GALNTL6: variants seen among roughly 807,000 people sequenced by gnomAD.
The protein encoded by GALNTL6 is polypeptide N-acetylgalactosaminyltransferase-like 6.
In GALNTL6, 46 loss-of-function variants were observed where a neutral mutation model predicts 73.7. The ratio of observed to expected loss-of-function variants is 0.62; its 90% CI spans 0.49 to 0.80. GALNTL6 has a LOEUF of 0.80. Among genes scored for constraint, GALNTL6 ranks in the 30% least tolerant of loss-of-function variants. GALNTL6 has a pLI of 0.00. For missense variants in GALNTL6, 604 were observed against 755.0 expected (o/e 0.80, Z 2.34); for synonymous variants, 259 against 263.7 (o/e 0.98, Z 0.17).
intron 2 of GALNTL6, among the ~76,000 whole-genome samples, chr4:172,190,413 C>G (rs539688505): frequency 6.6e-6 from 1 of 152,086 alleles, no homozygotes; most frequent in Non-Finnish European, 1.5e-5. Flanking sequence ...ATGTGCATTA[C>G]AAGGGAGAGT....
chr4:172,422,233 C>T (rs1731076786), intron 5 of GALNTL6, among the ~76,000 whole-genome samples: 1 of 152,072 alleles, frequency 6.6e-6, no homozygotes, highest in African/African-American at 2.4e-5. Flanking sequence ...CTCTTCTGGA[C>T]TTCTCTCTTG....
chr4:172,097,136 A>G (rs1007849709), intron 2 of GALNTL6, among the ~76,000 whole-genome samples: 2 of 152,186 alleles, frequency 1.3e-5, no homozygotes, highest in African/African-American at 4.8e-5. Flanking sequence ...GCATTTCTTC[A>G]GATAACCTTC....
intron 5 of GALNTL6, among the ~76,000 whole-genome samples, chr4:172,702,740 GAAAT>G (rs1160304098): frequency 6.6e-6 from 1 of 151,988 alleles, no homozygotes; most frequent in East Asian, 1.9e-4. Context: ...AAATTTCTGA[GAAAT>G]AAATTTCTGT....
intron 3 of GALNTL6, among the ~76,000 whole-genome samples, chr4:172,281,030 G>A (rs1291705941): frequency 3.3e-5 from 5 of 151,670 alleles, no homozygotes; most frequent in Non-Finnish European, 5.9e-5. Context: ...TTAGCCGGGC[G>A]TGGTGGCGAG....
At chr4:172,015,079 G>T (rs1378448727) in intron 2 of GALNTL6, among the ~76,000 whole-genome samples, 1 of 152,044 alleles carries the variant, frequency 6.6e-6, no homozygotes, top group African/African-American at 2.4e-5. Context: ...TTTGTTTTAA[G>T]ATATAGCTTA....
chr4:172,300,862 C>T (rs900006615), intron 3 of GALNTL6, among the ~76,000 whole-genome samples: 8 of 152,040 alleles, frequency 5.3e-5, no homozygotes, highest in Non-Finnish European at 8.8e-5. Context: ...TTGCTCTTCT[C>T]GAGGAGTATC....
intron 5 of GALNTL6, among the ~76,000 whole-genome samples, chr4:172,780,500 TG>T: frequency 6.6e-6 from 1 of 152,354 alleles, no homozygotes; most frequent in South Asian, 2.1e-4. Context: ...GGTATTAAAA[TG>T]ACCAGTTAAT....
intron 2 of GALNTL6, among the ~76,000 whole-genome samples, chr4:172,118,960 T>C (rs1261880472): frequency 1.3e-5 from 2 of 151,738 alleles, no homozygotes; most frequent in East Asian, 1.9e-4. Flanking sequence ...CACAGATACA[T>C]AGATAAAGCC....
At chr4:172,703,880 T>C (rs1000273058) in intron 5 of GALNTL6, among the ~76,000 whole-genome samples, 1 of 152,004 alleles carries the variant, frequency 6.6e-6, no homozygotes, top group African/African-American at 2.4e-5. Context: ...TTATCCATTA[T>C]TGGTCTGTTT....
intron 5 of GALNTL6, among the ~76,000 whole-genome samples, chr4:172,557,464 G>A (rs564233811): frequency 1.3e-5 from 2 of 152,146 alleles, no homozygotes; most frequent in Non-Finnish European, 2.9e-5. Flanking sequence ...TGCAAGGCAC[G>A]GACTGGGAGA....
intron 5 of GALNTL6, among the ~76,000 whole-genome samples, chr4:172,699,046 G>C (rs1310180656): frequency 6.6e-6 from 1 of 152,134 alleles, no homozygotes; most frequent in Non-Finnish European, 1.5e-5. Context: ...GGTGTTTAGA[G>C]AAAGCCTGCT....
rs536753645 is a variant in GALNTL6 at position 172,878,824 on chromosome 4, A to G, written c.924-3966A>G. Among the ~76,000 whole-genome samples the G allele has an allele frequency of 2.6e-5, 4 of 152,002 alleles. No individual in the cohort carries two copies. The East Asian group carries it at 7.7e-4, about 29-fold the overall frequency. ...GTAAGTGATCTAAATAATCCAGTTG[A>G]CATGCAAGATGCAAGTATATGTTAC... On this transcript the variant is annotated intron_variant, in intron 7 of 12. Coordinates refer to ENST00000506823, the MANE Select transcript of GALNTL6 (RefSeq NM_001034845.3).
intron 5 of GALNTL6, among the ~76,000 whole-genome samples, chr4:172,643,057 A>G (rs1740063440): frequency 6.6e-6 from 1 of 151,714 alleles, no homozygotes; most frequent in African/African-American, 2.4e-5. Context: ...ACTCACCTTT[A>G]CCCAACAGAT....
intron 5 of GALNTL6, among the ~76,000 whole-genome samples, chr4:172,672,795 T>A (rs1732064282): frequency 6.6e-6 from 1 of 152,190 alleles, no homozygotes; most frequent in Admixed American, 6.5e-5. Flanking sequence ...TTCTAGATTT[T>A]CTAGTTTGTG....
At chr4:172,973,508 G>A (rs1208079708) in intron 10 of GALNTL6, among the ~76,000 whole-genome samples, 1 of 152,002 alleles carries the variant, frequency 6.6e-6, no homozygotes, top group Non-Finnish European at 1.5e-5. Flanking sequence ...GGAGATAGGA[G>A]GAACTGTTCT....
chr4:172,417,918 G>A (rs1730901754), intron 5 of GALNTL6, among the ~76,000 whole-genome samples: 1 of 152,110 alleles, frequency 6.6e-6, no homozygotes, highest in Non-Finnish European at 1.5e-5. Context: ...GGTTTAGAGG[G>A]TGAAAAATTA....
At chr4:172,696,257 T>C (rs1733686833) in intron 5 of GALNTL6, among the ~76,000 whole-genome samples, 3 of 152,316 alleles carry the variant, frequency 2.0e-5, no homozygotes, top group African/African-American at 7.2e-5. Context: ...CTCTCAACCA[T>C]TGAGCTTGTC....
intron 9 of GALNTL6, among the ~76,000 whole-genome samples, chr4:172,939,784 G>T (rs1748823703): frequency 6.6e-6 from 1 of 152,036 alleles, no homozygotes; most frequent in Non-Finnish European, 1.5e-5. Context: ...TTTCCTGCTT[G>T]TGCTAACCAT....
chr4:172,035,698 C>A (rs1051921425), intron 2 of GALNTL6, among the ~76,000 whole-genome samples: 4 of 152,054 alleles, frequency 2.6e-5, no homozygotes, highest in South Asian at 2.1e-4. Flanking sequence ...TTCTACAAAG[C>A]GACATGGAGC....
Sources: allele counts gnomAD v4.1 joint callset (sites outside exome capture counted in the v4.1 genomes callset), GRCh38; gene constraint gnomAD v4.1.1; transcripts MANE v1.5; gene names NCBI Gene and HGNC (gene_info 2026-07-23, HGNC 2026-07-21).